The following LPP variants were observed in gnomAD, a reference collection of about 807,000 sequenced individuals.
The protein encoded by LPP is LIM domain containing preferred translocation partner in lipoma, also known as lipoma-preferred partner.
LPP carries 38 observed loss-of-function variants against 60.4 expected under a neutral mutation model. The ratio of observed to expected loss-of-function variants is 0.63; its 90% CI spans 0.49 to 0.83. The LOEUF is 0.83. LPP is among the 40% of genes least tolerant of loss of function. The probability of loss-of-function intolerance (pLI) is 0.00; values close to 1 mark genes in which losing one functional copy is unlikely to be tolerated. For synonymous variants in LPP, 328 were observed against 290.8 expected (o/e 1.13, Z -1.30); for missense variants, 902 against 783.6 (o/e 1.15, Z -1.80).
chr3:188,854,723 T>C lies in LPP; in HGVS notation c.1411-11477T>C, dbSNP rs112428401. ...CAAGTTTGGTTCAAAGAAGCTTTTCTATCATCCCCAGGAGTACAAAGAGAG... is the reference window on the plus strand; with the variant it reads ...CAAGTTTGGTTCAAAGAAGCTTTTCCATCATCCCCAGGAGTACAAAGAGAG... On this transcript the variant is annotated intron_variant, in intron 9 of 11. Transcript: ENST00000617246. 3.5e-3 allele frequency among the ~76,000 whole-genome samples: 533 copies of C among 152,340 alleles called. 3 individuals carry two copies. Among genetic ancestry groups the C allele is most frequent in the African/African-American group, 0.012 (519 of 41,576 alleles).
rs73060618 is a variant in LPP, at chr3:188,878,964, A to G, written c.*4485A>G. 0.01 allele frequency: 2,358 copies of G among 227,780 alleles called. 50 individuals carry two copies. Among genetic ancestry groups the G allele is most frequent in the African/African-American group, 0.049 (2,205 of 45,176 alleles). The allele number at this position is 227,780 out of a possible 1,614,324, so 14.1% of individuals were successfully genotyped here. ...TTACAGTAGTTTTAGTCAGATAATG[A>G]GGACAGAGACTTCAACTTGATTCTT... On this transcript the variant is annotated 3_prime_UTR_variant, in exon 12 of 12. Transcript: ENST00000617246.
intron 7 of LPP, among the ~76,000 whole-genome samples, chr3:188,697,501 A>G (rs892421586): frequency 6.6e-6 from 1 of 152,212 alleles, no homozygotes; most frequent in Non-Finnish European, 1.5e-5. Context: ...AAGTGTTTTT[A>G]TGCATATCAG....
rs1440164371 is a variant in LPP at position 188,802,607 on chromosome 3, A to G, written c.1410+42325A>G. Among the ~76,000 whole-genome samples, 3 of 152,142 alleles carry G rather than the reference A, an allele frequency of 2.0e-5. No individual in the cohort carries two copies. In the East Asian group the frequency reaches 5.8e-4, roughly 29 times the overall value. On this transcript the variant is annotated intron_variant, in intron 9 of 11. Transcript: ENST00000617246. ...AGACCAGCCTGGCCAACATGGTGAA[A>G]CCCCGTCACTACTAAAAATACAAAA...
At chr3:188,481,599 C>G (rs1425511788) in intron 4 of LPP, among the ~76,000 whole-genome samples, 1 of 152,168 alleles carries the variant, frequency 6.6e-6, no homozygotes, top group Non-Finnish European at 1.5e-5. Flanking sequence ...TTGGAAGGGA[C>G]AGACAGTTGT....
chr3:188,365,469 A>C (rs933444011), intron 3 of LPP, among the ~76,000 whole-genome samples: 8 of 152,166 alleles, frequency 5.3e-5, no homozygotes, highest in African/African-American at 1.9e-4. Context: ...GAGGCACCAT[A>C]ATGTGTGTGT....
At chr3:188,366,051 C>G (rs73055548) in intron 3 of LPP, among the ~76,000 whole-genome samples, 1,706 of 152,298 alleles carry the variant, frequency 0.011, 27 homozygotes, top group African/African-American at 0.037. Context: ...TCTCCTCATT[C>G]CCCTGGTCCC....
intron 5 of LPP, among the ~76,000 whole-genome samples, chr3:188,509,916 A>C (rs1579484473): frequency 3.6e-5 from 4 of 110,580 alleles, no homozygotes; most frequent in South Asian, 3.0e-4. Context: ...ATGGGGTTTC[A>C]CCATGTTGGC....
intron 10 of LPP, among the ~76,000 whole-genome samples, chr3:188,871,490 T>G (rs1034743279): frequency 6.6e-6 from 1 of 152,174 alleles, no homozygotes; most frequent in Non-Finnish European, 1.5e-5. Flanking sequence ...GCCAGGAAAA[T>G]TAATTACCTA....
intron 4 of LPP, among the ~76,000 whole-genome samples, chr3:188,408,281 T>TAAC (rs1784140843): frequency 1.3e-5 from 2 of 152,126 alleles, no homozygotes; most frequent in Admixed American, 1.3e-4. Context: ...GCCTGAGCGT[T>TAAC]ATGGTGAGGG....
chr3:188,365,946 C>T (rs1011168341), intron 3 of LPP, among the ~76,000 whole-genome samples: 3 of 152,102 alleles, frequency 2.0e-5, no homozygotes, highest in Admixed American at 2.0e-4. Flanking sequence ...TTCAAGTGTA[C>T]AATACAGTAT....
At chr3:188,404,685 A>G (rs1783026233) in intron 3 of LPP, among the ~76,000 whole-genome samples, 1 of 152,168 alleles carries the variant, frequency 6.6e-6, no homozygotes, top group African/African-American at 2.4e-5. Context: ...TCTCTCTATT[A>G]CTATGCCATG....
intron 2 of LPP, among the ~76,000 whole-genome samples, chr3:188,239,424 C>T (rs937882058): frequency 2.0e-5 from 3 of 152,128 alleles, no homozygotes; most frequent in Admixed American, 6.5e-5. Flanking sequence ...CTGTTTGTGT[C>T]GATTACACGG....
In LPP at chr3:188,352,195, C is replaced by T. The variant is rs1269532706; in HGVS notation, c.-10+10476C>T. The stretch of plus-strand genomic sequence containing the variant: ...GAAGATTCTGGCAGGGAAGACAATA[C>T]ACAAATCTGTTAAATACACAATAAA... On this transcript the variant is annotated intron_variant, in intron 3 of 11. Transcript: ENST00000617246. This position sits in a 1 kb window ranked among gnomAD's most constrained non-coding sequence, Gnocchi z 4.4. 1.3e-5 allele frequency among the ~76,000 whole-genome samples: 2 copies of T among 152,142 alleles called. No homozygotes were observed. Among genetic ancestry groups the T allele is most frequent in the African/African-American group, 4.8e-5 (2 of 41,422 alleles).
intron 4 of LPP, among the ~76,000 whole-genome samples, chr3:188,463,465 T>C (rs540629917): frequency 6.6e-6 from 1 of 152,260 alleles, no homozygotes; most frequent in South Asian, 2.1e-4. Flanking sequence ...AGGCCTCCCA[T>C]AGTGCTACAA....
chr3:188,578,895 T>C (rs1279748101), intron 6 of LPP, among the ~76,000 whole-genome samples: 2 of 152,164 alleles, frequency 1.3e-5, no homozygotes, highest in African/African-American at 2.4e-5. Context: ...CTTTCAGTAG[T>C]TTAGTGTAGC....
At chr3:188,155,202 A>G (rs1477108371) in intron 1 of LPP, among the ~76,000 whole-genome samples, 2 of 152,000 alleles carry the variant, frequency 1.3e-5, no homozygotes, top group South Asian at 2.1e-4. Context: ...TCGTAGGAGA[A>G]CTGAAAAATC....
rs1035535748 is a variant in LPP at position 188,876,224 on chromosome 3, A to G, written c.*1745A>G. On this transcript the variant is annotated 3_prime_UTR_variant, in exon 12 of 12. Coordinates refer to ENST00000617246, the MANE Select transcript of LPP (RefSeq NM_001375462.1). ...TTGCAAACTATTCCTCAGGAATTCC[A>G]ATTAAATTTATTTTACTTGAATAGG... 3 of 186,398 alleles carry G rather than the reference A, an allele frequency of 1.6e-5. No individual in the cohort carries two copies. Among genetic ancestry groups the G allele is most frequent in the African/African-American group, 7.0e-5 (3 of 42,706 alleles). 11.5% of individuals were successfully genotyped at this position (186,398 alleles called of 1,614,324 possible). A position where few individuals can be genotyped will look rare whatever the true frequency, so the allele number is the denominator to read the frequency against.
At chr3:188,713,194 C>A (rs1712319425) in intron 8 of LPP, among the ~76,000 whole-genome samples, 1 of 152,158 alleles carries the variant, frequency 6.6e-6, no homozygotes, top group African/African-American at 2.4e-5. Context: ...ATCGTCTAGG[C>A]AGTGGTCTTG....
At chr3:188,645,947 CTTTATA>C (rs1851034045) in intron 7 of LPP, among the ~76,000 whole-genome samples, 1 of 151,832 alleles carries the variant, frequency 6.6e-6, no homozygotes, top group Non-Finnish European at 1.5e-5. Flanking sequence ...TTTATATTTT[CTTTATA>C]TTTTAAAGCT....
Sources: gnomAD v4.1 joint callset for allele counts (sites outside exome capture counted in the v4.1 genomes callset) on GRCh38, gnomAD v4.1.1 for gene constraint, Gnocchi (gnomAD v3.1) non-coding constraint, MANE v1.5 for transcripts, NCBI Gene and HGNC (gene_info 2026-07-23, HGNC 2026-07-21) for gene names.